Variants in ACOXL observed in about 807,000 individuals in gnomAD.
ACOXL encodes acyl-CoA oxidase like.
A neutral mutation model predicts 71.9 loss-of-function variants in ACOXL; 70 were observed. The observed-to-expected ratio is 0.97, with a 90% confidence interval of 0.80 to 1.19. The LOEUF is 1.19. Ranked by LOEUF, ACOXL falls within the 50% of genes most tolerant of loss-of-function variation. ACOXL has a pLI of 0.00. For missense variants in ACOXL, 703 were observed against 736.3 expected (o/e 0.95, Z 0.52); for synonymous variants, 253 against 281.6 (o/e 0.90, Z 1.02).
intron 14 of ACOXL, among the ~76,000 whole-genome samples, chr2:110,997,605 C>T (rs920624747): frequency 3.3e-5 from 5 of 152,144 alleles, no homozygotes; most frequent in Non-Finnish European, 5.9e-5. Flanking sequence ...GAATCAGAAG[C>T]AATTTCACTA....
chr2:111,093,772 G>A (rs1433327824), intron 17 of ACOXL: 3 of 402,256 alleles, frequency 7.5e-6, no homozygotes, highest in Middle Eastern at 6.6e-4. Flanking sequence ...GCTGAGGCAC[G>A]AGAATCGCTT....
intron 7 of ACOXL, among the ~76,000 whole-genome samples, chr2:110,800,801 C>T (rs1182367761): frequency 4.6e-5 from 7 of 152,038 alleles, no homozygotes; most frequent in East Asian, 1.9e-4. Context: ...CGGGGGTGAC[C>T]GAGGCCCTGG....
At chr2:110,793,994 C>A in intron 4 of ACOXL, 82 bp from the exon 5 acceptor site, 2 of 1,401,716 alleles carry the variant, frequency 1.4e-6, no homozygotes, top group Non-Finnish European at 2.0e-6. Context: ...TCTCTCACCA[C>A]CATTCTTAAT....
intron 12 of ACOXL, among the ~76,000 whole-genome samples, chr2:110,961,856 C>T (rs1291657993): frequency 2.0e-5 from 3 of 152,152 alleles, no homozygotes; most frequent in Non-Finnish European, 4.4e-5. Context: ...TTCATAAAAC[C>T]ATCAGATCTT....
intron 1 of ACOXL, among the ~76,000 whole-genome samples, chr2:110,746,468 T>C (rs1017028518): frequency 2.0e-5 from 3 of 152,116 alleles, no homozygotes; most frequent in African/African-American, 7.2e-5. Flanking sequence ...TCCACCTTCC[T>C]ACTTCCCATT....
intron 14 of ACOXL, among the ~76,000 whole-genome samples, chr2:110,996,273 T>G (rs1461972364): frequency 6.6e-6 from 1 of 152,186 alleles, no homozygotes; most frequent in Non-Finnish European, 1.5e-5. Flanking sequence ...TGGTGTAATT[T>G]TCAGCCCTTA....
intron 16 of ACOXL, among the ~76,000 whole-genome samples, chr2:111,092,087 T>C (rs1263776588): frequency 6.6e-6 from 1 of 152,182 alleles, no homozygotes; most frequent in Non-Finnish European, 1.5e-5. Context: ...GAGATATTTG[T>C]GGGTGAAATG....
chr2:110,836,609 C>G (rs1409670599), intron 9 of ACOXL, among the ~76,000 whole-genome samples: 1 of 152,172 alleles, frequency 6.6e-6, no homozygotes, highest in African/African-American at 2.4e-5. Flanking sequence ...CTCTTCTTCC[C>G]TTCACGTTTC....
chr2:110,862,555 A>G (rs1424714200), intron 10 of ACOXL, among the ~76,000 whole-genome samples: 1 of 152,252 alleles, frequency 6.6e-6, no homozygotes, highest in East Asian at 1.9e-4. Flanking sequence ...GGCATTTGTG[A>G]TTAGCTGCCT....
chr2:110,810,807 C>T (rs1164736414), intron 9 of ACOXL, among the ~76,000 whole-genome samples: 1 of 152,198 alleles, frequency 6.6e-6, no homozygotes, highest in Non-Finnish European at 1.5e-5. Context: ...ATACCTGACA[C>T]TGGTTAATTT....
intron 17 of ACOXL, among the ~76,000 whole-genome samples, chr2:111,109,798 C>T (rs1411891287): frequency 2.0e-5 from 3 of 149,344 alleles, no homozygotes; most frequent in Non-Finnish European, 3.0e-5. Flanking sequence ...TGTGTCTCAG[C>T]CTCCCAAGTA....
intron 11 of ACOXL, among the ~76,000 whole-genome samples, chr2:110,926,537 G>A (rs952662923): frequency 8.5e-5 from 13 of 152,122 alleles, no homozygotes; most frequent in Admixed American, 5.2e-4. Flanking sequence ...CATGCTGTGC[G>A]TCAGTTTCCC....
At chr2:110,811,373 T>C (rs768852601) in intron 9 of ACOXL, among the ~76,000 whole-genome samples, 6 of 152,130 alleles carry the variant, frequency 3.9e-5, no homozygotes, top group Non-Finnish European at 8.8e-5. Context: ...AACCCTCTGA[T>C]GTTGAGCACA....
intron 15 of ACOXL, among the ~76,000 whole-genome samples, chr2:111,048,347 A>C (rs1047002254): frequency 2.6e-5 from 4 of 152,248 alleles, no homozygotes; most frequent in Admixed American, 2.0e-4. Flanking sequence ...CGCAGCTTTG[A>C]GTATAGCAAT....
chr2:110,963,649 C>G (rs140942985), intron 12 of ACOXL: 3 of 1,613,554 alleles, frequency 1.9e-6, no homozygotes, highest in African/African-American at 1.3e-5. Flanking sequence ...AATCGAATCT[C>G]AGGCTTAAAG....
At chr2:110,968,733 T>G in intron 12 of ACOXL, 1 of 714,460 alleles carries the variant, frequency 1.4e-6, no homozygotes. Context: ...ACCAAACAAT[T>G]TTCTATGACG....
intron 9 of ACOXL, among the ~76,000 whole-genome samples, chr2:110,832,539 C>T (rs1280349699): frequency 7.8e-6 from 1 of 127,416 alleles, no homozygotes; most frequent in Non-Finnish European, 1.6e-5. Context: ...AGCGAGACTC[C>T]ATCTCAAAAA....
chr2:110,799,195 A>G (rs751608061), intron 7 of ACOXL, 95 bp downstream of exon 7: 6 of 1,304,410 alleles, frequency 4.6e-6, no homozygotes, highest in Non-Finnish European at 6.6e-6. Flanking sequence ...TTACCGAAGC[A>G]CTGAGGGTGG....
chr2:110,788,719 G>A (rs1456461694), intron 3 of ACOXL, among the ~76,000 whole-genome samples: 1 of 152,236 alleles, frequency 6.6e-6, no homozygotes, highest in African/African-American at 2.4e-5. Flanking sequence ...GTAATTGTGG[G>A]AGATTTTTCT....
Sources: gnomAD v4.1 joint callset for allele counts (sites outside exome capture counted in the v4.1 genomes callset) on GRCh38, gnomAD v4.1.1 for gene constraint, MANE v1.5 for transcripts, NCBI Gene and HGNC (gene_info 2026-07-23, HGNC 2026-07-21) for gene names.